Variants in YTHDF3 observed in about 807,000 individuals in gnomAD.
The protein encoded by YTHDF3 is YTH N6-methyladenosine RNA binding protein F3, also known as YTH domain-containing family protein 3.
Under a neutral mutation model 52.5 loss-of-function variants are expected in YTHDF3, and 9 were observed. The observed-to-expected ratio is 0.17, with a 90% CI of 0.10 to 0.30. The LOEUF is 0.30. Among genes scored for constraint, YTHDF3 ranks in the 10% least tolerant of loss-of-function variants. The pLI is 1.00. For synonymous variants in YTHDF3, 274 were observed against 243.3 expected (o/e 1.13, Z -1.18); for missense variants, 534 against 715.0 (o/e 0.75, Z 2.89).
At position 63,187,144 on chromosome 8, in the gene YTHDF3, GTGT is replaced by G; in HGVS notation, c.1137_1139del (p.Val380del). 6.2e-7 allele frequency: 1 copy of G among 1,613,972 alleles called. No individual in the cohort carries two copies. Among genetic ancestry groups the G allele is most frequent in the Non-Finnish European group, 8.5e-7 (1 of 1,179,868 alleles). On this transcript the variant is annotated inframe_deletion, in exon 4 of 5. Transcript: ENST00000539294. ...GCGGGCAGTGAAAACTTTGGTTTAG[GTGT>G]TGTACCTGTCAGTGCTTCACCTTCT...
intron 4 of YTHDF3, among the ~76,000 whole-genome samples, chr8:63,203,751 G>C (rs1026771300): frequency 6.6e-6 from 1 of 152,040 alleles, no homozygotes. Context: ...CAGTTTTTCC[G>C]TCTTGCTTTG....
At chr8:63,190,402 C>G (rs1182726258) in intron 4 of YTHDF3, among the ~76,000 whole-genome samples, 1 of 151,678 alleles carries the variant, frequency 6.6e-6, no homozygotes, top group Non-Finnish European at 1.5e-5. Context: ...TTTTTAATGA[C>G]AGGTATATAT....
At chr8:63,170,945 T>C (rs1807282078) in intron 2 of YTHDF3, among the ~76,000 whole-genome samples, 2 of 152,154 alleles carry the variant, frequency 1.3e-5, no homozygotes, top group Non-Finnish European at 2.9e-5. Flanking sequence ...ATCTTTGATA[T>C]TAGATATGAG....
chr8:63,187,136 T>C lies in YTHDF3; in HGVS notation c.1125T>C (p.Phe375=). The C allele has an allele frequency of 1.2e-6, 2 of 1,613,920 alleles. No individual in the cohort carries two copies. Among genetic ancestry groups the C allele is most frequent in the Non-Finnish European group, 8.5e-7 (1 of 1,179,852 alleles). ...ACAATGGAGCGGGCAGTGAAAACTT[T>C]GGTTTAGGTGTTGTACCTGTCAGTG... The part of the protein sequence containing the change: ...NQNNGAGSEN[F]GLGVVPVSAS... The change falls in exon 4 of 5, where the codon TTT becomes TTC. Residue 375 remains phenylalanine (F), a synonymous_variant. Transcript: ENST00000539294.
At chr8:63,169,223 G>A in intron 1 of YTHDF3, 164 bp from the exon 2 acceptor site, 2 of 1,316,422 alleles carry the variant, frequency 1.5e-6, no homozygotes, top group East Asian at 2.5e-5. Context: ...GAGGTTTAAA[G>A]GCTGGGGGTG....
At chr8:63,168,958 C>T (rs1807078356) in intron 1 of YTHDF3, 57 bp downstream of exon 1, 3 of 1,537,756 alleles carry the variant, frequency 2.0e-6, no homozygotes, top group Non-Finnish European at 2.6e-6. Flanking sequence ...GCTCCACCCT[C>T]GCGCGGGGCT....
rs538654034 is a variant in YTHDF3, at chr8:63,195,763, T to TGTGA, written c.1734+8019_1734+8020insTGAG. On this transcript the variant is annotated intron_variant, in intron 4 of 4. Transcript: ENST00000539294. ...GTGTGTGTGTGTGTGTGTGTGTGTG[T>TGTGA]GACCCTGGGCAACATAGACCCTGTA... Among the ~76,000 whole-genome samples the TGTGA allele has an allele frequency of 1.3e-3, 191 of 149,366 alleles. 2 individuals carry two copies. The highest frequency in any genetic ancestry group is 4.2e-3 in the African/African-American group (171 of 40,430).
At chr8:63,172,959 A>G (rs1297128054) in intron 2 of YTHDF3, among the ~76,000 whole-genome samples, 1 of 152,014 alleles carries the variant, frequency 6.6e-6, no homozygotes, top group East Asian at 1.9e-4. Flanking sequence ...TTTAAGATAC[A>G]CTTCCAAAAC....
At chr8:63,189,308 A>T (rs1022683842) in intron 4 of YTHDF3, among the ~76,000 whole-genome samples, 2 of 152,196 alleles carry the variant, frequency 1.3e-5, no homozygotes, top group African/African-American at 4.8e-5. Context: ...TCAACTAGGG[A>T]AAGTTTTCTC....
chr8:63,177,998 T>C (rs1374207654), intron 3 of YTHDF3, among the ~76,000 whole-genome samples: 1 of 152,180 alleles, frequency 6.6e-6, no homozygotes, highest in Non-Finnish European at 1.5e-5. Context: ...CGTCAAGTGA[T>C]CCACCTGCCT....
chr8:63,183,697 A>ACTATTTACT (rs1808308799), intron 3 of YTHDF3, among the ~76,000 whole-genome samples: 2 of 152,198 alleles, frequency 1.3e-5, no homozygotes, highest in Non-Finnish European at 2.9e-5. Flanking sequence ...ATAGCTGAAG[A>ACTATTTACT]ATGTGTTCAG....
In YTHDF3 at chr8:63,210,897, A is replaced by G. The variant is rs1810335973; in HGVS notation, c.*1191A>G. 6.6e-6 allele frequency: 1 copy of G among 152,568 alleles called. No individual in the cohort carries two copies. The highest frequency in any genetic ancestry group is 2.4e-5 in the African/African-American group (1 of 41,450). The allele number at this position is 152,568 out of a possible 1,614,324, so 9.5% of individuals were successfully genotyped here. The stretch of plus-strand genomic sequence containing the variant: ...ATCTTGAAGCAAATTGATTTTGTAT[A>G]ATTAAATGTGTCAAGCATCTGTATT... On this transcript the variant is annotated 3_prime_UTR_variant, in exon 5 of 5. Coordinates refer to ENST00000539294, the MANE Select transcript of YTHDF3 (RefSeq NM_152758.6).
chr8:63,204,421 G>A (rs547790770), intron 4 of YTHDF3, among the ~76,000 whole-genome samples: 3 of 150,344 alleles, frequency 2.0e-5, no homozygotes, highest in African/African-American at 7.3e-5. Flanking sequence ...GAGTACAATG[G>A]CGTGATCTCG....
At position 63,210,006 on chromosome 8, in the gene YTHDF3, G is replaced by A. The variant is rs1810286991; in HGVS notation, c.*300G>A. 1 of 286,838 alleles carries A rather than the reference G, an allele frequency of 3.5e-6. No homozygotes were observed. Among genetic ancestry groups the A allele is most frequent in the African/African-American group, 2.2e-5 (1 of 45,818 alleles). The allele number at this position is 286,838 out of a possible 1,614,324, so 17.8% of individuals were successfully genotyped here. On this transcript the variant is annotated 3_prime_UTR_variant, in exon 5 of 5. Transcript: ENST00000539294. Reference sequence around the variant, plus strand: ...CTAAGGCACAGAAGACTGAATGAATGCAAGGATTCATTAACTCTTTGAATT... The same window carrying A: ...CTAAGGCACAGAAGACTGAATGAATACAAGGATTCATTAACTCTTTGAATT...
intron 2 of YTHDF3, chr8:63,173,584 A>T (rs1807489541): frequency 7.3e-6 from 6 of 824,396 alleles, no homozygotes; most frequent in Non-Finnish European, 8.8e-6. Flanking sequence ...ACTAACATGT[A>T]TGAGTGTAAT....
At chr8:63,201,452 ATTTC>A (rs376267268) in intron 4 of YTHDF3, among the ~76,000 whole-genome samples, 1 of 152,174 alleles carries the variant, frequency 6.6e-6, no homozygotes, top group Non-Finnish European at 1.5e-5. Flanking sequence ...TTTTACTACT[ATTTC>A]TTCATTTCGT....
At chr8:63,206,581 CTAAT>C (rs1439448822) in intron 4 of YTHDF3, among the ~76,000 whole-genome samples, 4 of 152,088 alleles carry the variant, frequency 2.6e-5, no homozygotes, top group Admixed American at 6.6e-5. Flanking sequence ...ACTAAAGTTA[CTAAT>C]TAAAGTTGTC....
intron 3 of YTHDF3, among the ~76,000 whole-genome samples, chr8:63,176,742 A>G (rs752511604): frequency 2.0e-5 from 3 of 151,868 alleles, no homozygotes; most frequent in Non-Finnish European, 2.9e-5. Flanking sequence ...CAGTGGCGCA[A>G]TCTTGGCTCA....
chr8:63,209,630 T>G (rs1312722970), intron 4 of YTHDF3, 53 bp from the exon 5 acceptor site: 23 of 1,486,826 alleles, frequency 1.5e-5, no homozygotes, highest in Middle Eastern at 1.8e-4. Flanking sequence ...CTTTAAATAA[T>G]GAGAGTTTTT....
Sources: allele counts gnomAD v4.1 joint callset (sites outside exome capture counted in the v4.1 genomes callset), GRCh38; gene constraint gnomAD v4.1.1; transcripts MANE v1.5; gene names NCBI Gene and HGNC (gene_info 2026-07-23, HGNC 2026-07-21).